The following IPCEF1 variants were observed in gnomAD, a reference collection of about 807,000 sequenced individuals.
IPCEF1 encodes the protein interactor protein for cytohesin exchange factors 1.
Under a neutral mutation model 50.9 loss-of-function variants are expected in IPCEF1, and 31 were observed. The ratio of observed to expected loss-of-function variants is 0.61; its 90% CI spans 0.46 to 0.82. The LOEUF is 0.82. Among genes scored for constraint, IPCEF1 ranks in the 40% least tolerant of loss-of-function variants. The probability of loss-of-function intolerance (pLI) is 0.00; values close to 1 mark genes in which losing one functional copy is unlikely to be tolerated. For missense variants in IPCEF1, 458 were observed against 514.0 expected (o/e 0.89, Z 1.05); for synonymous variants, 181 against 192.0 (o/e 0.94, Z 0.47).
chr6:154,218,454 C>T (rs1332593104), intron 7 of IPCEF1, among the ~76,000 whole-genome samples: 1 of 152,148 alleles, frequency 6.6e-6, no homozygotes, highest in Non-Finnish European at 1.5e-5. Context: ...TGTCACTATC[C>T]AGAAATGCAG....
intron 2 of IPCEF1, among the ~76,000 whole-genome samples, chr6:154,275,586 AT>A (rs1052160208): frequency 2.0e-5 from 3 of 152,158 alleles, no homozygotes; most frequent in Non-Finnish European, 4.4e-5. Flanking sequence ...TAATAATTAC[AT>A]TTTCTGTCTG....
rs143920397 is a variant in IPCEF1 at position 154,319,241 on chromosome 6, C to G, written c.-61-29485G>C. The stretch of plus-strand genomic sequence containing the variant: ...TTTCATTTGGTTTTACTTATCTGGA[C>G]TCATAAGCCATGCATGGTAAATTTC... On this transcript the variant is annotated intron_variant, in intron 1 of 11. Coordinates refer to ENST00000367220, the MANE Select transcript of IPCEF1 (RefSeq NM_001130700.2). Among the ~76,000 whole-genome samples, 192 of 152,230 alleles carry G rather than the reference C, an allele frequency of 1.3e-3. 1 individual carries two copies. The highest frequency in any genetic ancestry group is 2.2e-3 in the Non-Finnish European group (148 of 68,028).
At chr6:154,273,856 G>T (rs559683550) in intron 2 of IPCEF1, among the ~76,000 whole-genome samples, 1 of 145,382 alleles carries the variant, frequency 6.9e-6, no homozygotes, top group African/African-American at 2.5e-5. Flanking sequence ...CGGGTTCACG[G>T]CATTCTCCTG....
Position 154,212,827 on chromosome 6 carries a change from A to T in IPCEF1, c.480T>A (p.Asp160Glu). 1 of 1,613,492 alleles carries T rather than the reference A, an allele frequency of 6.2e-7. No individual in the cohort carries two copies. The highest frequency in any genetic ancestry group is 8.5e-7 in the Non-Finnish European group (1 of 1,179,426). Reference protein sequence around the residue: ...EECYSESEQEDPEIAAETPPP... With the variant: ...EECYSESEQEEPEIAAETPPP... ...GTGGTGTCTCCGCAGCTATTTCTGG[A>T]TCTTCCTGTTCACTTTCACTGTAAC... is the stretch of plus-strand genomic sequence containing the variant. Residue 160 changes from aspartate to glutamate, a missense_variant, in exon 9 of 12, where the codon GAT (aspartate) becomes GAA (glutamate). Physicochemically the swap from Asp to Glu is conservative, Grantham distance 45. Coordinates refer to ENST00000367220, the MANE Select transcript of IPCEF1 (RefSeq NM_001130700.2).
At chr6:154,252,367 G>A (rs1781359441) in intron 3 of IPCEF1, among the ~76,000 whole-genome samples, 1 of 152,140 alleles carries the variant, frequency 6.6e-6, no homozygotes, top group Non-Finnish European at 1.5e-5. Flanking sequence ...TACTGTCAGT[G>A]TGAAAAAACA....
chr6:154,226,902 A>G (rs535078994), intron 5 of IPCEF1, among the ~76,000 whole-genome samples: 2 of 152,278 alleles, frequency 1.3e-5, no homozygotes, highest in South Asian at 4.2e-4. Context: ...AACAAAGAAA[A>G]AACAATACTT....
At position 154,252,110 on chromosome 6, in the gene IPCEF1, G is replaced by A. The variant is rs1371362803; in HGVS notation, c.37-4622C>T. Among the ~76,000 whole-genome samples the A allele has an allele frequency of 3.3e-5, 5 of 152,180 alleles. No individual in the cohort carries two copies. In the South Asian group the frequency reaches 1.0e-3, roughly 32 times the overall value. ...AAAATCTGGAATAAAGACATAAAAT[G>A]TTGACTTGTCACTGTATAAAGAGTA... On this transcript the variant is annotated intron_variant, in intron 3 of 11. Coordinates refer to ENST00000367220, the MANE Select transcript of IPCEF1 (RefSeq NM_001130700.2).
intron 11 of IPCEF1, among the ~76,000 whole-genome samples, chr6:154,161,914 T>G (rs1799053596): frequency 6.6e-6 from 1 of 152,200 alleles, no homozygotes; most frequent in Non-Finnish European, 1.5e-5. Context: ...TTTCACATCC[T>G]TTTTCTGGCA....
At chr6:154,218,213 T>C (rs1778567931) in intron 7 of IPCEF1, among the ~76,000 whole-genome samples, 1 of 152,218 alleles carries the variant, frequency 6.6e-6, no homozygotes, top group South Asian at 2.1e-4. Flanking sequence ...GTATATTAAC[T>C]TGACGTGAAT....
chr6:154,252,386 G>C (rs1372460246), intron 3 of IPCEF1, among the ~76,000 whole-genome samples: 2 of 152,220 alleles, frequency 1.3e-5, no homozygotes, highest in Non-Finnish European at 1.5e-5. Context: ...CAAAGGACGA[G>C]CTCCTCTTGG....
At position 154,212,833 on chromosome 6, in the gene IPCEF1, C is replaced by G. The variant is rs748973860; in HGVS notation, c.474G>C (p.Gln158His). The change falls in exon 9 of 12, where the codon CAG becomes CAC. Residue 158 changes from glutamine to histidine, a missense_variant. Gln to His is a conservative substitution (Grantham distance 24). Transcript: ENST00000367220. Reference sequence around the variant, plus strand: ...TCTCCGCAGCTATTTCTGGATCTTCCTGTTCACTTTCACTGTAACATTCTA... The same window carrying G: ...TCTCCGCAGCTATTTCTGGATCTTCGTGTTCACTTTCACTGTAACATTCTA... ...KDEECYSESEQEDPEIAAETP... is the reference protein window; with the variant it reads ...KDEECYSESEHEDPEIAAETP... The G allele has an allele frequency of 6.2e-7, 1 of 1,613,076 alleles. No individual in the cohort carries two copies. Among genetic ancestry groups the G allele is most frequent in the Non-Finnish European group, 8.5e-7 (1 of 1,179,046 alleles).
At chr6:154,271,811 C>T (rs1167347497) in intron 2 of IPCEF1, among the ~76,000 whole-genome samples, 1 of 152,128 alleles carries the variant, frequency 6.6e-6, no homozygotes, top group African/African-American at 2.4e-5. Context: ...TAGCAAAACC[C>T]TCATTTTTAC....
intron 1 of IPCEF1, among the ~76,000 whole-genome samples, chr6:154,333,615 C>A (rs188883559): frequency 1.2e-4 from 18 of 144,282 alleles, no homozygotes; most frequent in Admixed American, 6.8e-4. Flanking sequence ...TACAAGTATA[C>A]ATATATACGT....
chr6:154,241,330 T>C (rs200368970), intron 5 of IPCEF1, among the ~76,000 whole-genome samples: 7 of 151,680 alleles, frequency 4.6e-5, no homozygotes, highest in Admixed American at 2.6e-4. Context: ...TTCCTTGAAC[T>C]GGTGATGCAA....
chr6:154,212,874 T>C lies in IPCEF1; in HGVS notation c.452-19A>G. On this transcript the variant is annotated intron_variant, in intron 8 of 11. Transcript: ENST00000367220. ...TAACATTCTATAACAAAAATGAAAA[T>C]GCTTAATGTTTTAACGCTGTCATCG... 1 of 1,543,900 alleles carries C rather than the reference T, an allele frequency of 6.5e-7. No individual in the cohort carries two copies. Among genetic ancestry groups the C allele is most frequent in the Non-Finnish European group, 9.0e-7 (1 of 1,116,522 alleles).
intron 1 of IPCEF1, among the ~76,000 whole-genome samples, chr6:154,351,746 T>C (rs923736238): frequency 1.3e-5 from 2 of 152,202 alleles, no homozygotes; most frequent in African/African-American, 4.8e-5. Flanking sequence ...TTCAATTTCA[T>C]GGAGATAACA....
chr6:154,311,229 T>A (rs1356607662), intron 1 of IPCEF1, among the ~76,000 whole-genome samples: 1 of 152,190 alleles, frequency 6.6e-6, no homozygotes, highest in African/African-American at 2.4e-5. Context: ...TTTCAATCTC[T>A]CTCTTACTAA....
intron 1 of IPCEF1, among the ~76,000 whole-genome samples, chr6:154,293,026 C>T (rs538184977): frequency 1.3e-5 from 2 of 152,254 alleles, no homozygotes; most frequent in South Asian, 2.1e-4. Context: ...AAAAACTTTC[C>T]AGCATATTAA....
chr6:154,171,641 A>G (rs1799879374), intron 10 of IPCEF1, among the ~76,000 whole-genome samples: 1 of 152,236 alleles, frequency 6.6e-6, no homozygotes, highest in Admixed American at 6.5e-5. Context: ...ATCTCAATAA[A>G]ACTATAAAAA....
Sources: gnomAD v4.1 joint callset for allele counts (sites outside exome capture counted in the v4.1 genomes callset) on GRCh38, gnomAD v4.1.1 for gene constraint, MANE v1.5 for transcripts, NCBI Gene and HGNC (gene_info 2026-07-23, HGNC 2026-07-21) for gene names.